The following MAPRE2 variants were observed in gnomAD, a reference collection of about 807,000 sequenced individuals.
MAPRE2 encodes the protein microtubule-associated protein RP/EB family member 2.
Under a neutral mutation model 43.2 loss-of-function variants are expected in MAPRE2, and 13 were observed. The ratio of observed to expected loss-of-function variants is 0.30; its 90% CI spans 0.20 to 0.48. The LOEUF is 0.48. MAPRE2 is among the 20% of genes least tolerant of loss of function. The pLI is 0.99. For synonymous variants in MAPRE2, 135 were observed against 148.8 expected (o/e 0.91, Z 0.68); for missense variants, 161 against 400.2 (o/e 0.40, Z 5.10).
intron 2 of MAPRE2, among the ~76,000 whole-genome samples, chr18:35,086,329 TTATA>T (rs1907877414): frequency 6.6e-6 from 1 of 151,870 alleles, no homozygotes; most frequent in Non-Finnish European, 1.5e-5. Context: ...ATCAATAAGA[TTATA>T]TATAGAGATG....
chr18:35,003,498 T>C (rs1454825184), intron 1 of MAPRE2, among the ~76,000 whole-genome samples: 1 of 152,240 alleles, frequency 6.6e-6, no homozygotes, highest in East Asian at 1.9e-4. Context: ...GACTGGTGCA[T>C]AAGGTGTTCA....
At chr18:35,005,186 G>A (rs901821998) in intron 1 of MAPRE2, among the ~76,000 whole-genome samples, 11 of 151,842 alleles carry the variant, frequency 7.2e-5, no homozygotes, top group Non-Finnish European at 1.5e-5. Context: ...AGACTATCAG[G>A]GCAGGGGAAA....
At chr18:35,015,888 G>T (rs77887933) in intron 2 of MAPRE2, among the ~76,000 whole-genome samples, 1 of 151,672 alleles carries the variant, frequency 6.6e-6, no homozygotes, top group Non-Finnish European at 1.5e-5. Flanking sequence ...TGACGTTTTG[G>T]GTATAACTGA....
chr18:35,000,192 C>G (rs1001838986), intron 1 of MAPRE2, among the ~76,000 whole-genome samples: 1 of 152,064 alleles, frequency 6.6e-6, no homozygotes, highest in Non-Finnish European at 1.5e-5. Flanking sequence ...TAGTAAACTC[C>G]CTAGATGAAA....
chr18:34,998,319 C>T (rs1313158877), intron 1 of MAPRE2, among the ~76,000 whole-genome samples: 3 of 147,488 alleles, frequency 2.0e-5, no homozygotes, highest in East Asian at 3.9e-4. Flanking sequence ...GCATTTTTCT[C>T]TCTCTTTTTT....
At chr18:34,994,692 TA>T (rs1316517980) in intron 1 of MAPRE2, among the ~76,000 whole-genome samples, 1 of 152,198 alleles carries the variant, frequency 6.6e-6, no homozygotes, top group African/African-American at 2.4e-5. Context: ...TCAAATTCAA[TA>T]ATAATAATGA....
chr18:35,041,366 T>G, upstream of MAPRE2: 4 of 1,453,398 alleles, frequency 2.8e-6, no homozygotes, highest in Middle Eastern at 2.3e-4. Flanking sequence ...TGACGTCAGC[T>G]GCCAGAGGGC....
At chr18:35,133,860 C>T (rs763978605) in intron 6 of MAPRE2, among the ~76,000 whole-genome samples, 10 of 152,086 alleles carry the variant, frequency 6.6e-5, no homozygotes, top group Non-Finnish European at 1.0e-4. Flanking sequence ...CCTAGATGAC[C>T]GCACTCAGTT....
intron 2 of MAPRE2, among the ~76,000 whole-genome samples, chr18:35,017,570 GTTT>G (rs71166042): frequency 3.8e-4 from 56 of 148,702 alleles, no homozygotes; most frequent in Admixed American, 1.6e-3. Flanking sequence ...TTTGTTTTTT[GTTT>G]TTTTTTTACA....
At chr18:35,051,662 G>C (rs1458224219) in intron 1 of MAPRE2, among the ~76,000 whole-genome samples, 1 of 152,190 alleles carries the variant, frequency 6.6e-6, no homozygotes, top group Non-Finnish European at 1.5e-5. Flanking sequence ...TGAAGAGGCA[G>C]TGAGGTATAG....
chr18:35,064,478 T>C (rs1173641511), intron 1 of MAPRE2, among the ~76,000 whole-genome samples: 3 of 152,106 alleles, frequency 2.0e-5, no homozygotes, highest in Admixed American at 6.5e-5. Flanking sequence ...ATGAATTACA[T>C]AGGAAATAAT....
intron 1 of MAPRE2, among the ~76,000 whole-genome samples, chr18:34,992,147 G>A (rs1274522522): frequency 6.6e-6 from 1 of 152,082 alleles, no homozygotes; most frequent in African/African-American, 2.4e-5. Flanking sequence ...TGTAAATATT[G>A]TTACTATCAT....
At chr18:35,049,551 G>T (rs1360309651) in intron 1 of MAPRE2, among the ~76,000 whole-genome samples, 1 of 152,110 alleles carries the variant, frequency 6.6e-6, no homozygotes, top group Non-Finnish European at 1.5e-5. Context: ...GCCCTCCCTT[G>T]ATAAGAACCT....
chr18:35,097,633 A>T (rs1908488772), intron 3 of MAPRE2, 42 bp downstream of exon 3: 1 of 1,569,974 alleles, frequency 6.4e-7, no homozygotes, highest in Non-Finnish European at 8.6e-7. Context: ...GTTTTTTCTT[A>T]AAATTGTTTT....
chr18:35,127,144 G>C (rs531487103), intron 5 of MAPRE2, 57 bp downstream of exon 5: 5 of 1,597,370 alleles, frequency 3.1e-6, no homozygotes, highest in Admixed American at 3.3e-5. Context: ...AAGAGGTAGG[G>C]GGCCTAGGAT....
chr18:35,127,478 G>A (rs1445244809), intron 5 of MAPRE2: 1 of 164,134 alleles, frequency 6.1e-6, no homozygotes, highest in Non-Finnish European at 1.3e-5. Flanking sequence ...GCTGGGTCAG[G>A]GTTAGTCTGT....
At chr18:35,071,388 A>G (rs912450980) in intron 2 of MAPRE2, among the ~76,000 whole-genome samples, 1 of 152,196 alleles carries the variant, frequency 6.6e-6, no homozygotes, top group Admixed American at 6.5e-5. Context: ...CTCTAAAACA[A>G]AACAAAACAA....
rs113494974 is a variant in MAPRE2 at position 34,980,454 on chromosome 18, G to A, written c.-70+3375G>A. Among the ~76,000 whole-genome samples, 271 of 152,174 alleles carry A rather than the reference G, an allele frequency of 1.8e-3. 4 individuals carry two copies. The highest frequency in any genetic ancestry group is 5.9e-3 in the African/African-American group (246 of 41,516). On this transcript the variant is annotated intron_variant, in intron 1 of 7. Transcript: ENST00000413393. ...CTGCTTGGTATTCTATTTTCTCATA[G>A]GGGCCTCAGTGTCTGTAGCCCCCAA...
At chr18:35,005,635 A>C in intron 2 of MAPRE2, 1 of 830,268 alleles carries the variant, frequency 1.2e-6, no homozygotes, top group Non-Finnish European at 1.8e-6. Context: ...CATTGTAACA[A>C]ATTTATTTTC....
Sources: allele counts gnomAD v4.1 joint callset (sites outside exome capture counted in the v4.1 genomes callset), GRCh38; gene constraint gnomAD v4.1.1; transcripts MANE v1.5; gene names NCBI Gene and HGNC (gene_info 2026-07-23, HGNC 2026-07-21).